The following EFCAB6 variants were observed in gnomAD, a reference collection of about 807,000 sequenced individuals.
EFCAB6 encodes EF-hand calcium binding domain 6, also known as EF-hand calcium-binding domain-containing protein 6.
A neutral mutation model predicts 169.8 loss-of-function variants in EFCAB6; 156 were observed. The ratio of observed to expected loss-of-function variants is 0.92; its 90% CI spans 0.81 to 1.05. The LOEUF (loss-of-function observed/expected upper bound fraction) is 1.05. EFCAB6 is among the 50% of genes least tolerant of loss of function. The pLI, the probability that EFCAB6 is intolerant of heterozygous loss-of-function variation, is 0.00. For missense variants in EFCAB6, 1,800 were observed against 1,829.1 expected (o/e 0.98, Z 0.29); for synonymous variants, 698 against 676.4 (o/e 1.03, Z -0.50).
intron 28 of EFCAB6, 39 bp downstream of exon 28, chr22:43,540,088 T>C (rs1254744939): frequency 3.7e-6 from 6 of 1,606,446 alleles, no homozygotes; most frequent in Admixed American, 1.7e-5. Flanking sequence ...GGATGTGGCA[T>C]GAGGAGGCCT....
At chr22:43,660,466 G>GT (rs1356669688) in intron 17 of EFCAB6, among the ~76,000 whole-genome samples, 2 of 151,652 alleles carry the variant, frequency 1.3e-5, no homozygotes, top group African/African-American at 4.8e-5. Flanking sequence ...ACACAACCTT[G>GT]TTTTTTCCAT....
chr22:43,672,345 A>T, intron 13 of EFCAB6, 40 bp from the exon 14 acceptor site: 2 of 1,604,918 alleles, frequency 1.2e-6, no homozygotes, highest in Non-Finnish European at 1.7e-6. Context: ...AATACCACTC[A>T]TGAAAGTCAT....
chr22:43,717,098 A>C (rs1162459007), intron 8 of EFCAB6, 126 bp from the exon 9 acceptor site: 2 of 1,220,732 alleles, frequency 1.6e-6, no homozygotes. Flanking sequence ...AAAATGATGA[A>C]CCATCTGATT....
chr22:43,727,699 G>T (rs1015468383), intron 8 of EFCAB6, among the ~76,000 whole-genome samples: 1 of 152,078 alleles, frequency 6.6e-6, no homozygotes, highest in Admixed American at 6.5e-5. Context: ...TTACTTAGAG[G>T]TAGGTTCTGA....
intron 27 of EFCAB6, chr22:43,554,016 A>ACT: frequency 6.5e-6 from 1 of 153,400 alleles, no homozygotes; most frequent in South Asian, 2.1e-4. Context: ...ACCAGGTAGT[A>ACT]GCAAGGAGAA....
At chr22:43,625,166 G>A (rs1477208856) in intron 20 of EFCAB6, among the ~76,000 whole-genome samples, 3 of 152,000 alleles carry the variant, frequency 2.0e-5, no homozygotes, top group Non-Finnish European at 4.4e-5. Flanking sequence ...AGGGCCTTCT[G>A]CAGCCTAGCC....
intron 8 of EFCAB6, among the ~76,000 whole-genome samples, chr22:43,726,276 C>CAAA (rs3994547): frequency 8.3e-4 from 49 of 59,322 alleles, no homozygotes; most frequent in African/African-American, 1.5e-3. Context: ...AAAAATTCAC[C>CAAA]AAAAAAAAAA....
At chr22:43,545,484 G>T (rs1438017965) in intron 27 of EFCAB6, among the ~76,000 whole-genome samples, 1 of 152,120 alleles carries the variant, frequency 6.6e-6, no homozygotes, top group African/African-American at 2.4e-5. Context: ...AATCATTAAG[G>T]GCCAAGGAAA....
intron 6 of EFCAB6, among the ~76,000 whole-genome samples, chr22:43,738,453 A>G (rs990864853): frequency 2.0e-5 from 3 of 151,570 alleles, no homozygotes. Context: ...ATACTCACAT[A>G]CACCATCACT....
At chr22:43,731,522 GC>G (rs2147618620) in intron 8 of EFCAB6, among the ~76,000 whole-genome samples, 176 bp downstream of exon 8, 1 of 152,110 alleles carries the variant, frequency 6.6e-6, no homozygotes, top group East Asian at 1.9e-4. Flanking sequence ...GACTCATTTA[GC>G]CTTTTCCTAT....
At chr22:43,809,951 A>G (rs895947940) in intron 1 of EFCAB6, among the ~76,000 whole-genome samples, 1 of 152,036 alleles carries the variant, frequency 6.6e-6, no homozygotes, top group African/African-American at 2.4e-5. Flanking sequence ...CCCAGGCTGG[A>G]GTACAGTGGC....
intron 21 of EFCAB6, among the ~76,000 whole-genome samples, chr22:43,610,233 C>G (rs1030330784): frequency 5.9e-5 from 9 of 152,126 alleles, no homozygotes; most frequent in African/African-American, 1.9e-4. Context: ...ACACATAATA[C>G]ACACTGAGAG....
intron 31 of EFCAB6, chr22:43,530,500 C>T (rs2046992742): frequency 1.0e-6 from 1 of 984,346 alleles, no homozygotes; most frequent in Non-Finnish European, 1.2e-6. Flanking sequence ...GGAGAGGGCT[C>T]GGAGCAGCAG....
chr22:43,706,506 T>A (rs549196868), intron 10 of EFCAB6, among the ~76,000 whole-genome samples: 2 of 152,390 alleles, frequency 1.3e-5, no homozygotes, highest in Admixed American at 6.5e-5. Context: ...ATGTCCTTCT[T>A]ATTCTCCAAT....
chr22:43,624,504 A>T (rs947753370), intron 20 of EFCAB6, among the ~76,000 whole-genome samples: 3 of 151,942 alleles, frequency 2.0e-5, no homozygotes, highest in Non-Finnish European at 4.4e-5. Flanking sequence ...CCCATTTCCC[A>T]AACGTGCTTA....
chr22:43,797,848 C>G (rs1053183559), intron 2 of EFCAB6, among the ~76,000 whole-genome samples: 4 of 152,234 alleles, frequency 2.6e-5, no homozygotes, highest in Non-Finnish European at 5.9e-5. Flanking sequence ...GCCTCAACCA[C>G]ACTGGCAGTC....
chr22:43,651,288 A>G (rs2056455240), intron 17 of EFCAB6, among the ~76,000 whole-genome samples: 1 of 152,200 alleles, frequency 6.6e-6, no homozygotes, highest in Admixed American at 6.5e-5. Flanking sequence ...CCATGGCTGA[A>G]AGGGGCCAAT....
chr22:43,546,264 A>G (rs532537020), intron 27 of EFCAB6, among the ~76,000 whole-genome samples: 1 of 152,342 alleles, frequency 6.6e-6, no homozygotes, highest in Non-Finnish European at 1.5e-5. Flanking sequence ...TACAATGTAT[A>G]GATTAAGCAA....
chr22:43,532,837 G>A (rs1231193973), intron 30 of EFCAB6, among the ~76,000 whole-genome samples: 1 of 152,214 alleles, frequency 6.6e-6, no homozygotes, highest in Non-Finnish European at 1.5e-5. Flanking sequence ...GTGGGGGGTG[G>A]GGCCAGGGCC....
Sources: gnomAD v4.1 joint callset for allele counts (sites outside exome capture counted in the v4.1 genomes callset) on GRCh38, gnomAD v4.1.1 for gene constraint, MANE v1.5 for transcripts, NCBI Gene and HGNC (gene_info 2026-07-23, HGNC 2026-07-21) for gene names.